PTPRM: variants seen among roughly 807,000 people sequenced by gnomAD.
The protein encoded by PTPRM is protein tyrosine phosphatase receptor type M, also known as receptor-type tyrosine-protein phosphatase mu.
Under a neutral mutation model 186.7 loss-of-function variants are expected in PTPRM, and 47 were observed. That is an observed-to-expected ratio of 0.25 (90% CI 0.20 to 0.32). The LOEUF is 0.32. Ranked by LOEUF, PTPRM falls within the 10% of genes least tolerant of loss-of-function variation. The pLI, the probability that PTPRM is intolerant of heterozygous loss-of-function variation, is 1.00. For synonymous variants in PTPRM, 668 were observed against 674.9 expected, an observed-to-expected ratio of 0.99 and a Z score of 0.16; for missense variants, 1,494 against 1,865.0, an observed-to-expected ratio of 0.80 and a Z score of 3.66.
Position 7,803,232 on chromosome 18 carries a change from G to A in PTPRM, c.196+28961G>A, listed in dbSNP as rs1248968661. ...GAAACCCCCAAATGCATCTCACTGG[G>A]CTAAACTCAGGAGGTTGGCAGGGCT... is the stretch of plus-strand genomic sequence containing the variant. On this transcript the variant is annotated intron_variant, in intron 2 of 32. Coordinates refer to ENST00000580170, the MANE Select transcript of PTPRM (RefSeq NM_001105244.2). Among the ~76,000 whole-genome samples the A allele has an allele frequency of 3.9e-5, 6 of 152,138 alleles. 1 individual carries two copies. Among genetic ancestry groups the A allele is most frequent in the African/African-American group, 1.4e-4 (6 of 41,418 alleles).
chr18:7,875,794 TGATGACAAG>T (rs1567953806), intron 2 of PTPRM, among the ~76,000 whole-genome samples: 1 of 152,226 alleles, frequency 6.6e-6, no homozygotes, highest in Non-Finnish European at 1.5e-5. Context: ...ATGCATTGCT[TGATGACAAG>T]GATGCATTCT....
chr18:8,050,088 T>G (rs1426577235), intron 7 of PTPRM, among the ~76,000 whole-genome samples: 1 of 152,200 alleles, frequency 6.6e-6, no homozygotes, highest in Non-Finnish European at 1.5e-5. Flanking sequence ...TGAAAGGAAC[T>G]GAAGGCTACT....
At chr18:7,946,763 T>A in intron 5 of PTPRM, 1 of 348,332 alleles carries the variant, frequency 2.9e-6, no homozygotes, top group South Asian at 2.2e-5. Context: ...TAAACAAGAC[T>A]GTTTTACAGA....
intron 1 of PTPRM, among the ~76,000 whole-genome samples, chr18:7,739,625 G>A (rs908592094): frequency 2.0e-5 from 3 of 152,120 alleles, no homozygotes; most frequent in African/African-American, 7.2e-5. Context: ...AGGCACCTTG[G>A]GAGTCATTGG....
chr18:7,873,027 C>T (rs987800318), intron 2 of PTPRM, among the ~76,000 whole-genome samples: 2 of 152,082 alleles, frequency 1.3e-5, no homozygotes, highest in African/African-American at 4.8e-5. Flanking sequence ...TCATGTTTTT[C>T]AATGAATGTT....
At chr18:7,599,163 T>C (rs1486482323) in intron 1 of PTPRM, among the ~76,000 whole-genome samples, 1 of 152,150 alleles carries the variant, frequency 6.6e-6, no homozygotes, top group Non-Finnish European at 1.5e-5. Context: ...TAAGTGTTAT[T>C]GTTAAAAAAA....
intron 2 of PTPRM, among the ~76,000 whole-genome samples, chr18:7,884,902 C>A (rs375289685): frequency 1.2e-4 from 13 of 108,578 alleles, no homozygotes; most frequent in African/African-American, 4.5e-4. Flanking sequence ...CCAGCCTGGG[C>A]GACGAGAGCA....
chr18:7,994,094 C>T (rs537984505), intron 7 of PTPRM, among the ~76,000 whole-genome samples: 38 of 151,968 alleles, frequency 2.5e-4, no homozygotes, highest in Admixed American at 1.6e-3. Context: ...CCTATAAAGA[C>T]ATATAGATTG....
Position 7,888,385 on chromosome 18 carries a change from C to G in PTPRM, c.468+8C>G, listed in dbSNP as rs1285253886. The G allele has an allele frequency of 1.9e-6, 3 of 1,564,838 alleles. No individual in the cohort carries two copies. The highest frequency in any genetic ancestry group is 4.0e-5 in the Admixed American group (2 of 49,450). On this transcript the variant is annotated splice_region_variant and intron_variant, in intron 3 of 32. Transcript: ENST00000580170. ...TGGCCTAACTTTTATCAGGTATGTG[C>G]TTTCTTTTTATTACATATTTTGAAG...
intron 13 of PTPRM, among the ~76,000 whole-genome samples, chr18:8,137,802 A>G (rs1258251512): frequency 6.6e-6 from 1 of 152,016 alleles, no homozygotes; most frequent in Admixed American, 6.6e-5. Flanking sequence ...CGGTCCTTCC[A>G]GCCCATTCAT....
rs200609450 is a variant in PTPRM at position 8,380,039 on chromosome 18, C to G, written c.3787-257C>G. 7.2e-5 allele frequency among the ~76,000 whole-genome samples: 11 copies of G among 152,332 alleles called. No homozygotes were observed. The East Asian group carries it at 2.1e-3, about 29-fold the overall frequency. ...TATGTATAGATTCGATATTGCCTCT[C>G]TACCAGAAATATTTTAAAAATTGAT... On this transcript the variant is annotated intron_variant, in intron 28 of 32. Transcript: ENST00000580170.
At chr18:8,023,982 G>C (rs186113850) in intron 7 of PTPRM, among the ~76,000 whole-genome samples, 81 of 152,082 alleles carry the variant, frequency 5.3e-4, no homozygotes, top group Non-Finnish European at 9.9e-4. Context: ...AATTACTCAC[G>C]TAACTGCTTC....
intron 3 of PTPRM, among the ~76,000 whole-genome samples, chr18:7,895,112 A>G (rs1050208434): frequency 1.3e-5 from 2 of 152,188 alleles, no homozygotes; most frequent in Non-Finnish European, 2.9e-5. Context: ...TGGGATTTGA[A>G]TATCAGCCCT....
chr18:7,617,750 G>A (rs2037841475), intron 1 of PTPRM, among the ~76,000 whole-genome samples: 1 of 152,188 alleles, frequency 6.6e-6, no homozygotes, highest in Admixed American at 6.5e-5. Flanking sequence ...AGCATTTCGT[G>A]AGAAGAGGAT....
intron 2 of PTPRM, among the ~76,000 whole-genome samples, chr18:7,842,766 A>G (rs930763611): frequency 3.3e-5 from 5 of 150,888 alleles, no homozygotes; most frequent in Non-Finnish European, 5.9e-5. Context: ...TAAAATCTCA[A>G]TCAATCTCTC....
At chr18:7,620,172 G>A (rs1598546498) in intron 1 of PTPRM, among the ~76,000 whole-genome samples, 1 of 152,196 alleles carries the variant, frequency 6.6e-6, no homozygotes, top group East Asian at 1.9e-4. Flanking sequence ...GTGGTGGACA[G>A]GAGTTAGGGC....
intron 4 of PTPRM, among the ~76,000 whole-genome samples, chr18:7,913,061 A>G (rs1169873238): frequency 3.3e-5 from 3 of 89,574 alleles, no homozygotes; most frequent in South Asian, 4.2e-4. Context: ...TCTGTTCTTC[A>G]TTTGTTAAAT....
At chr18:8,251,017 A>G (rs1410516544) in intron 17 of PTPRM, among the ~76,000 whole-genome samples, 6 of 152,198 alleles carry the variant, frequency 3.9e-5, no homozygotes, top group African/African-American at 1.2e-4. Flanking sequence ...GTACTAGATA[A>G]TAGGGCTCTT....
At chr18:7,995,378 A>G (rs1350285641) in intron 7 of PTPRM, among the ~76,000 whole-genome samples, 1 of 152,184 alleles carries the variant, frequency 6.6e-6, no homozygotes, top group Non-Finnish European at 1.5e-5. Context: ...TTCTTCTACA[A>G]TTATTCCAAA....
Sources: gnomAD v4.1 joint callset for allele counts (sites outside exome capture counted in the v4.1 genomes callset) on GRCh38, gnomAD v4.1.1 for gene constraint, MANE v1.5 for transcripts, NCBI Gene and HGNC (gene_info 2026-07-23, HGNC 2026-07-21) for gene names.